The following MICU3 variants were observed in gnomAD, a reference collection of about 807,000 sequenced individuals.
The protein encoded by MICU3 is mitochondrial calcium uptake 3.
MICU3 carries 62 observed loss-of-function variants against 66.5 expected under a neutral mutation model. That is an observed-to-expected ratio of 0.93 (90% CI 0.76 to 1.15). MICU3 has a LOEUF of 1.15. Among genes scored for constraint, MICU3 ranks in the 50% most tolerant of loss-of-function variants. The pLI, the probability that MICU3 is intolerant of heterozygous loss-of-function variation, is 0.00. For synonymous variants in MICU3, 308 were observed against 240.7 expected, an observed-to-expected ratio of 1.28 and a Z score of -2.59; for missense variants, 779 against 664.4, an observed-to-expected ratio of 1.17 and a Z score of -1.90.
chr8:17,094,845 C>A (rs904653099), intron 8 of MICU3, among the ~76,000 whole-genome samples: 4 of 152,002 alleles, frequency 2.6e-5, no homozygotes, highest in African/African-American at 9.7e-5. Flanking sequence ...CTTCCTGTTT[C>A]ATCACACCAA....
chr8:17,111,934 G>C (rs934142874), intron 11 of MICU3, among the ~76,000 whole-genome samples: 14 of 152,310 alleles, frequency 9.2e-5, no homozygotes, highest in African/African-American at 3.4e-4. Flanking sequence ...ATGGCGGAAG[G>C]CAAAGAAGAA....
At chr8:17,031,095 G>A (rs1811957858) in intron 1 of MICU3, among the ~76,000 whole-genome samples, 1 of 151,878 alleles carries the variant, frequency 6.6e-6, no homozygotes, top group Non-Finnish European at 1.5e-5. Context: ...GCATGTGCTT[G>A]TAGTCCCAGC....
intron 1 of MICU3, among the ~76,000 whole-genome samples, chr8:17,028,762 C>T (rs1340620249): frequency 6.6e-6 from 1 of 152,074 alleles, no homozygotes; most frequent in Admixed American, 6.6e-5. Context: ...ATTCAAAATA[C>T]TAGGAAATAC....
intron 5 of MICU3, among the ~76,000 whole-genome samples, chr8:17,084,358 T>C (rs1821637193): frequency 1.3e-5 from 2 of 152,170 alleles, no homozygotes; most frequent in Admixed American, 6.6e-5. Flanking sequence ...TCTGTTTCTG[T>C]TATTTTCAGA....
At chr8:17,030,932 GT>G (rs930906864) in intron 1 of MICU3, among the ~76,000 whole-genome samples, 1 of 152,112 alleles carries the variant, frequency 6.6e-6, no homozygotes, top group African/African-American at 2.4e-5. Flanking sequence ...TCTCTTGAAT[GT>G]TTTAGTTTCC....
chr8:17,128,472 A>C, the MICU3 span, among the ~76,000 whole-genome samples: 1 of 152,234 alleles, frequency 6.6e-6, no homozygotes, highest in African/African-American at 2.4e-5. Context: ...ATTAACTTTG[A>C]AATTTCAAAA....
chr8:17,046,245 C>T (rs752959497), intron 1 of MICU3, among the ~76,000 whole-genome samples: 1 of 152,088 alleles, frequency 6.6e-6, no homozygotes, highest in African/African-American at 2.4e-5. Flanking sequence ...AGCACTATCT[C>T]CAGGTACACA....
intron 4 of MICU3, among the ~76,000 whole-genome samples, chr8:17,078,633 A>G (rs1001576202): frequency 1.3e-5 from 2 of 152,082 alleles, no homozygotes; most frequent in Admixed American, 1.3e-4. Context: ...CCTTTTCATC[A>G]ATTTTAACCA....
At chr8:17,087,215 C>A (rs1193426570) in intron 7 of MICU3, among the ~76,000 whole-genome samples, 180 bp downstream of exon 7, 1 of 151,826 alleles carries the variant, frequency 6.6e-6, no homozygotes, top group Non-Finnish European at 1.5e-5. Context: ...ATATTTACTT[C>A]AAATATTGAT....
rs531415695 is a variant in MICU3, at chr8:17,116,833, TAGTC to T, written c.1524+238_1524+241del. ...TTGACCTTATAATAATTTATTTTCA[TAGTC>T]AGTCTAATGTCTTCATCCTAGTTTG... is the stretch of plus-strand genomic sequence containing the variant. On this transcript the variant is annotated intron_variant, in intron 13 of 14. Coordinates refer to ENST00000318063, the MANE Select transcript of MICU3 (RefSeq NM_181723.3). Among the ~76,000 whole-genome samples the T allele has an allele frequency of 2.4e-3, 360 of 152,334 alleles. 3 individuals carry two copies. Among genetic ancestry groups the T allele is most frequent in the African/African-American group, 8.1e-3 (338 of 41,586 alleles).
rs201647320 is a variant in MICU3 at position 17,085,334 on chromosome 8, G to C, written c.777+16G>C. On this transcript the variant is annotated intron_variant, in intron 6 of 14. Transcript: ENST00000318063. ...GTTTTTGGTGGTATGTATACTAGATGCTGCACTTTATCAATAATTAAATAT... is the reference window on the plus strand; with the variant it reads ...GTTTTTGGTGGTATGTATACTAGATCCTGCACTTTATCAATAATTAAATAT... 704 of 1,468,544 alleles carry C rather than the reference G, an allele frequency of 4.8e-4. 9 individuals are homozygous for C. The African/African-American group carries it at 9.1e-3, about 19-fold the overall frequency. 91.0% of individuals were successfully genotyped at this position (1,468,544 alleles called of 1,614,324 possible).
intron 12 of MICU3, among the ~76,000 whole-genome samples, chr8:17,115,746 T>A: frequency 6.6e-6 from 1 of 152,174 alleles, no homozygotes; most frequent in Non-Finnish European, 1.5e-5. Flanking sequence ...AGTTTTCCAA[T>A]TGCCTATTGA....
intron 9 of MICU3, 81 bp downstream of exon 9, chr8:17,098,634 T>C (rs941040059): frequency 2.0e-5 from 18 of 907,242 alleles, no homozygotes; most frequent in Non-Finnish European, 3.1e-5. Context: ...GTCACAGTGA[T>C]GAAACCCAAC....
chr8:17,131,903 G>A, the MICU3 span: 2 of 152,262 alleles, frequency 1.3e-5, no homozygotes, highest in African/African-American at 2.4e-5. Context: ...GGAGCTAAGA[G>A]GAAATACATC....
In MICU3 at chr8:17,036,674, G is replaced by T. The variant is rs559536314; in HGVS notation, c.381+9014G>T. Among the ~76,000 whole-genome samples, 11 of 152,360 alleles carry T rather than the reference G, an allele frequency of 7.2e-5. No homozygotes were observed. In the East Asian group the frequency reaches 1.7e-3, roughly 24 times the overall value. ...AACCTTGAGCTAGACACAGGGTGCTGATTGGTGTGTTTACAATCCCTGAGC... is the reference window on the plus strand; with the variant it reads ...AACCTTGAGCTAGACACAGGGTGCTTATTGGTGTGTTTACAATCCCTGAGC... On this transcript the variant is annotated intron_variant, in intron 1 of 14. Coordinates refer to ENST00000318063, the MANE Select transcript of MICU3 (RefSeq NM_181723.3).
the MICU3 span, chr8:17,132,188 G>C: frequency 6.6e-6 from 1 of 152,148 alleles, no homozygotes; most frequent in Non-Finnish European, 1.5e-5. Context: ...TAATAGAAGG[G>C]AGCAAGAAGA....
At chr8:17,036,085 G>A (rs928357931) in intron 1 of MICU3, among the ~76,000 whole-genome samples, 3 of 152,160 alleles carry the variant, frequency 2.0e-5, no homozygotes, top group Non-Finnish European at 4.4e-5. Context: ...AAGGTGGCAC[G>A]TCTGGAGTCT....
intron 1 of MICU3, among the ~76,000 whole-genome samples, chr8:17,041,428 G>A (rs1585190976): frequency 6.6e-6 from 1 of 152,314 alleles, no homozygotes; most frequent in Middle Eastern, 3.4e-3. Context: ...GAAGTCATGG[G>A]TGATTTTGTG....
At chr8:17,096,955 T>TTGTGTGTGTGTGTGTGTGTG (rs3988378) in intron 8 of MICU3, among the ~76,000 whole-genome samples, 2 of 141,650 alleles carry the variant, frequency 1.4e-5, no homozygotes, top group Admixed American at 1.4e-4. Flanking sequence ...CTAAATATAT[T>TTGTGTGTGTGTGTGTGTGTG]TGTGTGTGTG....
Sources: gnomAD v4.1 joint callset for allele counts (sites outside exome capture counted in the v4.1 genomes callset) on GRCh38, gnomAD v4.1.1 for gene constraint, MANE v1.5 for transcripts, NCBI Gene and HGNC (gene_info 2026-07-23, HGNC 2026-07-21) for gene names.